Variants in RSPO2 observed in about 807,000 individuals in gnomAD.
RSPO2 encodes the protein R-spondin 2, also known as R-spondin-2.
Under a neutral mutation model 30.9 loss-of-function variants are expected in RSPO2, and 14 were observed. The ratio of observed to expected loss-of-function variants is 0.45; its 90% confidence interval spans 0.30 to 0.71. The LOEUF is 0.71. Among genes scored for constraint, RSPO2 ranks in the 30% least tolerant of loss-of-function variants. The pLI, the probability that RSPO2 is intolerant of heterozygous loss-of-function variation, is 0.08. For synonymous variants in RSPO2, 107 were observed against 96.4 expected (o/e 1.11, Z -0.64); for missense variants, 264 against 301.9 (o/e 0.87, Z 0.93).
At chr8:108,059,155 A>G (rs1434297413) in intron 2 of RSPO2, among the ~76,000 whole-genome samples, 1 of 151,882 alleles carries the variant, frequency 6.6e-6, no homozygotes, top group Non-Finnish European at 1.5e-5. Context: ...ATTTACAAGA[A>G]AAAAATAAAC....
rs188972271 is a variant in RSPO2 at position 107,971,308 on chromosome 8, C to A, written c.284-10491G>T. On this transcript the variant is annotated intron_variant, in intron 3 of 5. Coordinates refer to ENST00000276659, the MANE Select transcript of RSPO2 (RefSeq NM_178565.5). ...GACTTTTATTTTCCAACCATTAGTA[C>A]CATTACTAAAAATAAAAGTAAAATG... is the stretch of plus-strand genomic sequence containing the variant. 2.9e-3 allele frequency among the ~76,000 whole-genome samples: 436 copies of A among 152,206 alleles called. 1 individual carries two copies. Among genetic ancestry groups the A allele is most frequent in the Admixed American group, 6.4e-3 (98 of 15,278 alleles).
intron 2 of RSPO2, among the ~76,000 whole-genome samples, chr8:108,058,801 A>T (rs941797647): frequency 6.6e-6 from 1 of 151,840 alleles, no homozygotes; most frequent in African/African-American, 2.4e-5. Flanking sequence ...CTATATGTAG[A>T]AAGCTGAAAC....
chr8:108,060,954 A>G (rs1346780188), intron 2 of RSPO2, among the ~76,000 whole-genome samples: 2 of 151,782 alleles, frequency 1.3e-5, no homozygotes, highest in Non-Finnish European at 2.9e-5. Flanking sequence ...AGTGAAGGAG[A>G]AATAAAATCC....
intron 5 of RSPO2, among the ~76,000 whole-genome samples, chr8:107,913,440 G>A (rs978917708): frequency 1.3e-5 from 2 of 152,132 alleles, no homozygotes; most frequent in Non-Finnish European, 2.9e-5. Context: ...ACAGGACAAA[G>A]AAAGTAACAA....
At chr8:107,929,446 G>T (rs1305565168) in intron 5 of RSPO2, among the ~76,000 whole-genome samples, 1 of 152,174 alleles carries the variant, frequency 6.6e-6, no homozygotes, top group African/African-American at 2.4e-5. Context: ...CAGATCCTGT[G>T]GCTTGGCTCT....
At chr8:107,999,558 C>G (rs995187819) in intron 2 of RSPO2, among the ~76,000 whole-genome samples, 25 of 152,244 alleles carry the variant, frequency 1.6e-4, no homozygotes, top group Middle Eastern at 3.4e-3. Context: ...CCTCAGCCTC[C>G]CGAGTAGTTG....
chr8:108,065,517 C>A (rs1176667247), intron 2 of RSPO2, among the ~76,000 whole-genome samples: 3 of 151,972 alleles, frequency 2.0e-5, no homozygotes, highest in Non-Finnish European at 4.4e-5. Context: ...GTTAAATGTA[C>A]ATATTATGGG....
intron 2 of RSPO2, among the ~76,000 whole-genome samples, chr8:108,043,456 A>ATACT (rs1811815281): frequency 1.3e-5 from 2 of 152,138 alleles, no homozygotes; most frequent in African/African-American, 4.8e-5. Context: ...TAACAGTGTC[A>ATACT]AAGAAGTCAT....
intron 5 of RSPO2, among the ~76,000 whole-genome samples, chr8:107,919,945 A>AT (rs1812100100): frequency 6.6e-6 from 1 of 152,126 alleles, no homozygotes; most frequent in Non-Finnish European, 1.5e-5. Context: ...GATGAAGAAC[A>AT]TTTTTCACTG....
In RSPO2 at chr8:107,983,511, G is replaced by A. The variant is rs555452186; in HGVS notation, c.283+5545C>T. 5.0e-6 allele frequency: 8 copies of A among 1,600,432 alleles called. No individual in the cohort carries two copies. The South Asian group carries it at 5.5e-5, about 11-fold the overall frequency. On this transcript the variant is annotated intron_variant, in intron 3 of 5. Transcript: ENST00000276659. Reference sequence around the variant, plus strand: ...AGAAATGTCTGCCTGAGATTCAGGGGATCTTTGACAGGGATCCAGACACAC... The same window carrying A: ...AGAAATGTCTGCCTGAGATTCAGGGAATCTTTGACAGGGATCCAGACACAC...
chr8:108,063,021 A>T (rs201935552), intron 2 of RSPO2, among the ~76,000 whole-genome samples: 1 of 151,660 alleles, frequency 6.6e-6, no homozygotes. Flanking sequence ...AGGTATTGAT[A>T]GGAAGTATCT....
intron 2 of RSPO2, among the ~76,000 whole-genome samples, chr8:107,996,278 C>A (rs955536642): frequency 6.6e-6 from 1 of 152,000 alleles, no homozygotes; most frequent in African/African-American, 2.4e-5. Context: ...GCATGAAGAC[C>A]CTATGGAATG....
intron 2 of RSPO2, among the ~76,000 whole-genome samples, chr8:108,003,237 A>G (rs1208721171): frequency 2.1e-5 from 1 of 47,526 alleles, no homozygotes; most frequent in East Asian, 3.1e-4. Flanking sequence ...GTGTGTGTAT[A>G]TATGTATGTA....
intron 2 of RSPO2, among the ~76,000 whole-genome samples, chr8:108,043,613 A>G (rs1811820117): frequency 6.6e-6 from 1 of 151,306 alleles, no homozygotes; most frequent in South Asian, 2.1e-4. Context: ...AAAAAAAAAG[A>G]TAGTCTTAGC....
At chr8:108,029,954 C>G (rs1410533061) in intron 2 of RSPO2, among the ~76,000 whole-genome samples, 3 of 151,830 alleles carry the variant, frequency 2.0e-5, no homozygotes, top group Admixed American at 1.3e-4. Flanking sequence ...GTGAGGAACA[C>G]AAGTATGTGT....
chr8:107,932,496 G>A (rs1396307001), intron 5 of RSPO2, among the ~76,000 whole-genome samples: 4 of 152,076 alleles, frequency 2.6e-5, no homozygotes, highest in Admixed American at 6.6e-5. Context: ...AAGATTAGGC[G>A]CTGGAGTAAT....
chr8:108,059,510 G>A (rs375391957), intron 2 of RSPO2, among the ~76,000 whole-genome samples: 4 of 151,240 alleles, frequency 2.6e-5, no homozygotes, highest in African/African-American at 4.9e-5. Context: ...GGGTATATAC[G>A]CAAAGGACTA....
Position 108,044,680 on chromosome 8 carries a change from C to T in RSPO2, c.94+37865G>A, listed in dbSNP as rs546859783. Reference sequence around the variant, plus strand: ...CAGTGCTGCAATGAACATACATGTGCATGTGTCTTTTTTGTAGTTATTTTT... The same window carrying T: ...CAGTGCTGCAATGAACATACATGTGTATGTGTCTTTTTTGTAGTTATTTTT... On this transcript the variant is annotated intron_variant, in intron 2 of 5. Coordinates refer to ENST00000276659, the MANE Select transcript of RSPO2 (RefSeq NM_178565.5). Among the ~76,000 whole-genome samples the T allele has an allele frequency of 2.0e-5, 3 of 152,074 alleles. No individual in the cohort carries two copies. In the South Asian group the frequency reaches 6.2e-4, roughly 32 times the overall value.
Position 108,082,734 on chromosome 8 carries a change from CAGAG to C in RSPO2, c.-100_-97del. On this transcript the variant is annotated 5_prime_UTR_variant, in exon 2 of 6. Coordinates refer to ENST00000276659, the MANE Select transcript of RSPO2 (RefSeq NM_178565.5). ...GCCGGCCGCGCTGCTGGGGAGGACT[CAGAG>C]GGAGACTCGCCACTCACCCCCGGGC... The C allele has an allele frequency of 6.3e-6, 6 of 956,348 alleles. No homozygotes were observed. The highest frequency in any genetic ancestry group is 1.6e-5 in the African/African-American group (1 of 62,250). 59.2% of individuals were successfully genotyped at this position (956,348 alleles called of 1,614,324 possible).
Sources: allele counts gnomAD v4.1 joint callset (sites outside exome capture counted in the v4.1 genomes callset), GRCh38; gene constraint gnomAD v4.1.1; transcripts MANE v1.5; gene names NCBI Gene and HGNC (gene_info 2026-07-23, HGNC 2026-07-21).